Variants in PPEF1 observed in about 807,000 individuals in gnomAD.
PPEF1 encodes protein phosphatase with EF-hand domain 1, also known as serine/threonine-protein phosphatase with EF-hands 1.
A neutral mutation model predicts 53.3 loss-of-function variants in PPEF1; 12 were observed. The observed-to-expected ratio is 0.23, with a 90% confidence interval of 0.14 to 0.36. The LOEUF is 0.36. PPEF1 is among the 10% of genes least tolerant of loss of function. The probability of loss-of-function intolerance (pLI) is 1.00; values close to 1 mark genes in which losing one functional copy is unlikely to be tolerated. For synonymous variants in PPEF1, 165 were observed against 176.7 expected, an observed-to-expected ratio of 0.93 and a Z score of 0.52; for missense variants, 334 against 490.4, an observed-to-expected ratio of 0.68 and a Z score of 3.01.
intron 4 of PPEF1, 79 bp from the exon 5 acceptor site, chrX:18,757,548 T>C: frequency 2.7e-6 from 2 of 743,687 alleles, no homozygotes; most frequent in Non-Finnish European, 4.1e-6. Flanking sequence ...GCGTGCTTGC[T>C]CCACCTTTAC....
Position 18,685,702 on chromosome X carries a change from A to C in PPEF1, c.-519-436A>C, listed in dbSNP as rs1170665542. On this transcript the variant is annotated intron_variant, in intron 2 of 21. Coordinates refer to the PPEF1 transcript ENST00000361511. ...TCCATCTCAAAAAAAAAAAAAAAAA[A>C]AGAAAAAAAAGCAGTGGGTTCTATT... is the stretch of plus-strand genomic sequence containing the variant. Among the ~76,000 whole-genome samples the C allele has an allele frequency of 1.2e-4, 12 of 101,134 alleles. No individual in the cohort carries two copies. In the Admixed American group the frequency reaches 1.2e-3, roughly 10 times the overall value. The allele number at this position is 101,134 out of a possible 115,157, so 87.8% of individuals were successfully genotyped here. A position where few individuals can be genotyped will look rare whatever the true frequency, so the allele number is the denominator to read the frequency against.
intron 4 of PPEF1, among the ~76,000 whole-genome samples, chrX:18,692,457 CTATT>C (rs1929452948): frequency 8.9e-6 from 1 of 112,121 alleles, no homozygotes; most frequent in African/African-American, 3.2e-5. Context: ...AATGATGAAT[CTATT>C]TATTCTTCCA....
chrX:18,688,839 T>C (rs999625536), intron 3 of PPEF1: 2 of 111,455 alleles, frequency 1.8e-5, no homozygotes, highest in African/African-American at 6.5e-5. Flanking sequence ...AGGAGGGGCG[T>C]GGCTTCCGGG....
intron 3 of PPEF1, among the ~76,000 whole-genome samples, chrX:18,689,199 G>T (rs1929225381): frequency 9.1e-6 from 1 of 110,298 alleles, no homozygotes; most frequent in Admixed American, 9.6e-5. Flanking sequence ...TTTTCTTTTG[G>T]TTTACACTCC....
At chrX:18,711,090 G>GTATATATA (rs34861524) in intron 1 of PPEF1, among the ~76,000 whole-genome samples, 5 of 100,580 alleles carry the variant, frequency 5.0e-5, no homozygotes, top group South Asian at 4.9e-4. Flanking sequence ...GTGTGTGTGT[G>GTATATATA]TGTATATATA....
At chrX:18,721,712 T>G (rs749825413) in intron 1 of PPEF1, among the ~76,000 whole-genome samples, 1 of 111,478 alleles carries the variant, frequency 9.0e-6, no homozygotes, top group Non-Finnish European at 1.9e-5. Flanking sequence ...TATTACCCCA[T>G]GTGGATGGGG....
At chrX:18,737,918 C>G (rs2045029666) in intron 3 of PPEF1, among the ~76,000 whole-genome samples, 1 of 111,080 alleles carries the variant, frequency 9.0e-6, no homozygotes, top group South Asian at 3.8e-4. Context: ...GGTTTAAAGT[C>G]TGTTTTATCA....
intron 1 of PPEF1, among the ~76,000 whole-genome samples, chrX:18,710,727 G>T (rs1249140560): frequency 9.0e-6 from 1 of 111,508 alleles, no homozygotes; most frequent in Non-Finnish European, 1.9e-5. Flanking sequence ...ATCACTGCTG[G>T]TGGGAATGTA....
chrX:18,802,036 A>T (rs1212276338), intron 10 of PPEF1, among the ~76,000 whole-genome samples: 2 of 109,962 alleles, frequency 1.8e-5, no homozygotes, highest in African/African-American at 6.6e-5. Context: ...GAGAGCCACA[A>T]AGACGGAGCC....
chrX:18,763,587 A>G (rs2001110), intron 6 of PPEF1, among the ~76,000 whole-genome samples: 55,171 of 109,591 alleles, frequency 0.5, 10,478 homozygotes, highest in African/African-American at 0.55. Context: ...GAGCTTGAGT[A>G]AGCCATACAA....
At chrX:18,780,278 T>G (rs926624566) in intron 7 of PPEF1, among the ~76,000 whole-genome samples, 1 of 112,016 alleles carries the variant, frequency 8.9e-6, no homozygotes, top group African/African-American at 3.2e-5. Flanking sequence ...GAAATATGGC[T>G]TTAGCCTGAG....
Position 18,727,403 on chromosome X carries a change from G to T in PPEF1, c.47-2778G>T, listed in dbSNP as rs758765890. 2.7e-5 allele frequency among the ~76,000 whole-genome samples: 3 copies of T among 111,530 alleles called. No homozygotes were observed. In the South Asian group the frequency reaches 1.1e-3, roughly 42 times the overall value. Reference sequence around the variant, plus strand: ...ATCATGGTATTGTGAGAACACTTCAGATTTCAGCCATGCCACTGCCAATTA... The same window carrying T: ...ATCATGGTATTGTGAGAACACTTCATATTTCAGCCATGCCACTGCCAATTA... On this transcript the variant is annotated intron_variant, in intron 1 of 15. Transcript: ENST00000470157.
At chrX:18,752,759 T>C (rs1205711140) in intron 4 of PPEF1, among the ~76,000 whole-genome samples, 1 of 109,327 alleles carries the variant, frequency 9.1e-6, no homozygotes, top group Admixed American at 9.9e-5. Flanking sequence ...TTGAGATGAT[T>C]GTGCGTTTTT....
intron 1 of PPEF1, among the ~76,000 whole-genome samples, chrX:18,710,186 C>T (rs1222461428): frequency 8.9e-6 from 1 of 111,834 alleles, no homozygotes; most frequent in Non-Finnish European, 1.9e-5. Flanking sequence ...ATCATTTACC[C>T]ATTTTTAATT....
intron 3 of PPEF1, among the ~76,000 whole-genome samples, chrX:18,689,205 A>C (rs1937598392): frequency 9.1e-6 from 1 of 109,996 alleles, no homozygotes; most frequent in Admixed American, 9.6e-5. Context: ...TTTGGTTTAC[A>C]CTCCAAAAGC....
chrX:18,777,796 A>C (rs2045999784), intron 6 of PPEF1, among the ~76,000 whole-genome samples: 1 of 109,902 alleles, frequency 9.1e-6, no homozygotes, highest in Non-Finnish European at 1.9e-5. Context: ...CCCAGGCTGG[A>C]GTGCAGTGGT....
At chrX:18,790,771 C>A (rs1219915629) in intron 10 of PPEF1, among the ~76,000 whole-genome samples, 5 of 109,743 alleles carry the variant, frequency 4.6e-5, no homozygotes, top group Non-Finnish European at 9.5e-5. Flanking sequence ...ACGATCTCGG[C>A]TCACTGCAAC....
At chrX:18,750,580 T>C (rs2045422862) in intron 4 of PPEF1, among the ~76,000 whole-genome samples, 1 of 112,178 alleles carries the variant, frequency 8.9e-6, no homozygotes, top group African/African-American at 3.2e-5. Context: ...TTTCCACCTT[T>C]TGGCTATTGT....
At chrX:18,824,146 GA>G (rs1170108986) in intron 14 of PPEF1, 60 bp downstream of exon 14, 7 of 1,079,697 alleles carry the variant, frequency 6.5e-6, no homozygotes, top group Non-Finnish European at 7.5e-6. Flanking sequence ...TTAGTCCTTT[GA>G]AAAGCTGGGA....
Sources: gnomAD v4.1 joint callset for allele counts (sites outside exome capture counted in the v4.1 genomes callset) on GRCh38, gnomAD v4.1.1 for gene constraint, MANE v1.5 for transcripts, NCBI Gene and HGNC (gene_info 2026-07-23, HGNC 2026-07-21) for gene names.